CRB1: variants seen among roughly 807,000 people sequenced by gnomAD.
The protein encoded by CRB1 is crumbs cell polarity complex component 1.
In CRB1, 83 loss-of-function variants were observed where a neutral mutation model predicts 120.0. That is an observed-to-expected ratio of 0.69 (90% CI 0.58 to 0.83). The LOEUF (loss-of-function observed/expected upper bound fraction) is 0.83, where lower values mean the gene tolerates loss of function less well. Among genes scored for constraint, CRB1 ranks in the 40% least tolerant of loss-of-function variants. The pLI is 0.00. For missense variants in CRB1, 1,699 were observed against 1,687.6 expected, an observed-to-expected ratio of 1.01 and a Z score of -0.12; for synonymous variants, 625 against 612.5, an observed-to-expected ratio of 1.02 and a Z score of -0.30.
intron 6 of CRB1, among the ~76,000 whole-genome samples, chr1:197,424,469 T>A (rs1047507458): frequency 6.6e-6 from 1 of 152,190 alleles, no homozygotes; most frequent in Non-Finnish European, 1.5e-5. Flanking sequence ...GTTTGCCATA[T>A]GACATAGTTT....
chr1:197,256,931 G>A, the CRB1 span, among the ~76,000 whole-genome samples: 1 of 105,528 alleles, frequency 9.5e-6, no homozygotes, highest in African/African-American at 3.3e-5. Flanking sequence ...TATAGGATTT[G>A]CGTGTGTGTG....
At position 197,421,159 on chromosome 1, in the gene CRB1, G is replaced by A. The variant is rs778812010; in HGVS notation, c.1331G>A (p.Gly444Asp). The change falls in exon 6 of 12, where the codon GGC becomes GAC. Residue 444 changes from glycine (G) to aspartate (D), a missense_variant. Coordinates refer to ENST00000367400, the MANE Select transcript of CRB1 (RefSeq NM_201253.3). ...GGRDCSDILL[G>D]CTHQQCLNNG... is the part of the protein sequence containing the mutation. ...AGGGACTGTTCTGATATTCTCCTGG[G>A]CTGTACCCATCAGCAATGTCTAAAT... 8.1e-6 allele frequency: 13 copies of A among 1,614,124 alleles called. No individual in the cohort carries two copies. Among genetic ancestry groups the A allele is most frequent in the Middle Eastern group, 3.3e-4 (2 of 6,062 alleles).
the CRB1 span, among the ~76,000 whole-genome samples, chr1:197,224,896 AACTT>A: frequency 1.1e-3 from 171 of 152,214 alleles, no homozygotes; most frequent in African/African-American, 3.9e-3. Context: ...ACATTTAACA[AACTT>A]TCTTTTATTA....
chr1:197,378,042 G>T (rs1005276181), intron 5 of CRB1, among the ~76,000 whole-genome samples: 1 of 152,324 alleles, frequency 6.6e-6, no homozygotes, highest in Non-Finnish European at 1.5e-5. Context: ...CCCTTGCTGA[G>T]TTAGTGTCTT....
intron 5 of CRB1, among the ~76,000 whole-genome samples, chr1:197,365,230 A>G (rs1660996409): frequency 6.6e-6 from 1 of 152,128 alleles, no homozygotes; most frequent in African/African-American, 2.4e-5. Context: ...TCCTTCTGAG[A>G]AATGGGAGTC....
At chr1:197,296,214 T>C (rs1656508998) in intron 1 of CRB1, among the ~76,000 whole-genome samples, 1 of 152,066 alleles carries the variant, frequency 6.6e-6, no homozygotes, top group African/African-American at 2.4e-5. Flanking sequence ...TCAGGGGCTC[T>C]AGAGCCAGAC....
chr1:197,399,440 A>G (rs1571473023), intron 5 of CRB1, among the ~76,000 whole-genome samples: 1 of 152,118 alleles, frequency 6.6e-6, no homozygotes, highest in Non-Finnish European at 1.5e-5. Context: ...AGTAGATATG[A>G]GTTTGAATTT....
At chr1:197,300,969 T>C (rs1165537579) in intron 1 of CRB1, among the ~76,000 whole-genome samples, 1 of 152,082 alleles carries the variant, frequency 6.6e-6, no homozygotes, top group African/African-American at 2.4e-5. Context: ...AGCACATCTG[T>C]TTACAGTATG....
intron 1 of CRB1, among the ~76,000 whole-genome samples, chr1:197,327,420 C>A (rs918191589): frequency 6.6e-6 from 1 of 152,160 alleles, no homozygotes; most frequent in Non-Finnish European, 1.5e-5. Context: ...AAGTCTTGCA[C>A]CTTGCACTGT....
At chr1:197,444,287 C>G (rs1192851215) in intron 11 of CRB1, 1 of 152,120 alleles carries the variant, frequency 6.6e-6, no homozygotes, top group Non-Finnish European at 1.5e-5. Flanking sequence ...GGAGTAGTGA[C>G]AATCATTTCA....
chr1:197,264,057 C>T (rs1654577100), upstream of CRB1, among the ~76,000 whole-genome samples: 1 of 152,128 alleles, frequency 6.6e-6, no homozygotes, highest in Non-Finnish European at 1.5e-5. Context: ...GAAGTTTAGG[C>T]TTTTAGTGTA....
intron 1 of CRB1, among the ~76,000 whole-genome samples, chr1:197,306,006 G>A (rs1042926583): frequency 4.6e-5 from 7 of 152,084 alleles, no homozygotes; most frequent in African/African-American, 1.7e-4. Context: ...TGCAACCAAG[G>A]ATGGATGATA....
At chr1:197,439,186 G>A (rs1329782827) in intron 10 of CRB1, 1 of 164,312 alleles carries the variant, frequency 6.1e-6, no homozygotes, top group Non-Finnish European at 1.3e-5. Flanking sequence ...GTGACCTGCT[G>A]AAAATACAGG....
the CRB1 span, among the ~76,000 whole-genome samples, chr1:197,258,066 T>C: frequency 1.3e-5 from 2 of 152,234 alleles, no homozygotes; most frequent in East Asian, 1.9e-4. Flanking sequence ...TATCTTTTAT[T>C]CTAAATAGTT....
At chr1:197,385,994 T>C (rs1307903843) in intron 5 of CRB1, among the ~76,000 whole-genome samples, 2 of 152,076 alleles carry the variant, frequency 1.3e-5, no homozygotes, top group Admixed American at 6.6e-5. Flanking sequence ...AAGTTGTTGA[T>C]CTTTATTCTT....
chr1:197,246,777 T>C, the CRB1 span, among the ~76,000 whole-genome samples: 1 of 152,088 alleles, frequency 6.6e-6, no homozygotes, highest in South Asian at 2.1e-4. Context: ...CACATACATA[T>C]TGTCTACAGC....
At chr1:197,327,524 T>C (rs1387204798) in intron 1 of CRB1, among the ~76,000 whole-genome samples, 2 of 152,162 alleles carry the variant, frequency 1.3e-5, no homozygotes, top group South Asian at 4.1e-4. Flanking sequence ...AGAAAATACA[T>C]ACACACAGAT....
At chr1:197,317,616 C>A (rs984699456) in intron 1 of CRB1, among the ~76,000 whole-genome samples, 1 of 151,954 alleles carries the variant, frequency 6.6e-6, no homozygotes, top group African/African-American at 2.4e-5. Context: ...CTAGAGTAAC[C>A]AAAACAGCAT....
At chr1:197,259,775 AGTT>A in the CRB1 span, among the ~76,000 whole-genome samples, 2 of 152,310 alleles carry the variant, frequency 1.3e-5, no homozygotes, top group Middle Eastern at 3.4e-3. Flanking sequence ...TACTTGGAAT[AGTT>A]GTTGTTGAAA....
Sources: gnomAD v4.1 joint callset for allele counts (sites outside exome capture counted in the v4.1 genomes callset) on GRCh38, gnomAD v4.1.1 for gene constraint, MANE v1.5 for transcripts, NCBI Gene and HGNC (gene_info 2026-07-23, HGNC 2026-07-21) for gene names.